The following PKIG variants were observed in gnomAD, a reference collection of about 807,000 sequenced individuals.
PKIG encodes cAMP-dependent protein kinase inhibitor gamma, also known as protein kinase (cAMP-dependent, catalytic) inhibitor gamma.
In PKIG, 1 loss-of-function variant was observed where a neutral mutation model predicts 6.8. That is an observed-to-expected ratio of 0.15 (90% CI 0.05 to 0.69). The LOEUF is 0.69. Among genes scored for constraint, PKIG ranks in the 30% least tolerant of loss-of-function variants. The pLI is 0.82. For synonymous variants in PKIG, 39 were observed against 43.0 expected (o/e 0.91, Z 0.36); for missense variants, 77 against 104.0 (o/e 0.74, Z 1.13).
intron 2 of PKIG, among the ~76,000 whole-genome samples, chr20:44,613,956 T>TC (rs1249717256): frequency 6.6e-6 from 1 of 152,118 alleles, no homozygotes; most frequent in Non-Finnish European, 1.5e-5. Flanking sequence ...CCCTCATGCC[T>TC]CCCTCCCTCA....
chr20:44,599,764 G>C (rs1315904201), intron 2 of PKIG, among the ~76,000 whole-genome samples: 1 of 152,100 alleles, frequency 6.6e-6, no homozygotes, highest in Non-Finnish European at 1.5e-5. Context: ...ATAACTGTTG[G>C]CTCCAATTAA....
intron 1 of PKIG, among the ~76,000 whole-genome samples, chr20:44,546,839 C>A (rs963756394): frequency 6.6e-6 from 1 of 152,100 alleles, no homozygotes; most frequent in Admixed American, 6.6e-5. Context: ...CAGATATGAG[C>A]CACTGCACCC....
At chr20:44,553,806 C>T (rs1253205162) in intron 1 of PKIG, among the ~76,000 whole-genome samples, 2 of 152,022 alleles carry the variant, frequency 1.3e-5, no homozygotes, top group African/African-American at 4.8e-5. Context: ...AGGAAGGCTC[C>T]TTGGAGGAAA....
upstream of PKIG, among the ~76,000 whole-genome samples, chr20:44,580,737 T>C (rs777895865): frequency 6.6e-6 from 1 of 152,156 alleles, no homozygotes; most frequent in Non-Finnish European, 1.5e-5. Context: ...CCTCCTAATA[T>C]AGCCTGTTTT....
intron 1 of PKIG, among the ~76,000 whole-genome samples, chr20:44,573,988 C>T (rs1401366887): frequency 6.6e-6 from 1 of 152,166 alleles, no homozygotes; most frequent in African/African-American, 2.4e-5. Context: ...TTTAAAAAGT[C>T]TCTGAGTCTA....
chr20:44,581,801 G>C (rs892556477), upstream of PKIG, among the ~76,000 whole-genome samples: 1 of 152,154 alleles, frequency 6.6e-6, no homozygotes, highest in Non-Finnish European at 1.5e-5. Flanking sequence ...ACTTCTCCAG[G>C]GTTCTTCCTT....
intron 1 of PKIG, among the ~76,000 whole-genome samples, chr20:44,545,873 T>A (rs935147784): frequency 1.3e-5 from 2 of 152,066 alleles, no homozygotes; most frequent in African/African-American, 4.8e-5. Context: ...ACAAGTATCA[T>A]TCCAGTAAAA....
chr20:44,577,603 A>G (rs2064910189), upstream of PKIG, among the ~76,000 whole-genome samples: 1 of 152,214 alleles, frequency 6.6e-6, no homozygotes, highest in South Asian at 2.1e-4. Flanking sequence ...ATCTACTTTT[A>G]TTCGTAAATC....
chr20:44,535,123 A>G (rs987204549), intron 1 of PKIG, among the ~76,000 whole-genome samples: 10 of 152,254 alleles, frequency 6.6e-5, no homozygotes, highest in Non-Finnish European at 1.0e-4. Context: ...CAATAGCAAC[A>G]TGAAAAATAA....
chr20:44,571,685 C>T (rs1600861734), intron 1 of PKIG, among the ~76,000 whole-genome samples: 1 of 152,230 alleles, frequency 6.6e-6, no homozygotes, highest in South Asian at 2.1e-4. Flanking sequence ...AAAAACAAGG[C>T]AGCTTTTAGG....
At chr20:44,599,520 G>A (rs1460756573) in intron 2 of PKIG, among the ~76,000 whole-genome samples, 3 of 152,018 alleles carry the variant, frequency 2.0e-5, no homozygotes, top group East Asian at 1.9e-4. Flanking sequence ...TCAAGAGATC[G>A]AGACCATCCT....
intron 1 of PKIG, among the ~76,000 whole-genome samples, chr20:44,560,606 T>C (rs2123240826): frequency 6.6e-6 from 1 of 152,342 alleles, no homozygotes; most frequent in East Asian, 1.9e-4. Flanking sequence ...TTGTTGTCCG[T>C]CAAGGATGGG....
At chr20:44,590,058 A>T (rs2065022106) in intron 2 of PKIG, among the ~76,000 whole-genome samples, 192 bp downstream of exon 2, 1 of 152,162 alleles carries the variant, frequency 6.6e-6, no homozygotes, top group Admixed American at 6.5e-5. Context: ...ACAATTTCAC[A>T]GTCAAGATTC....
At chr20:44,552,316 TTG>T (rs2123199880) in intron 1 of PKIG, among the ~76,000 whole-genome samples, 1 of 152,330 alleles carries the variant, frequency 6.6e-6, no homozygotes, top group South Asian at 2.1e-4. Context: ...TTACATTTGA[TTG>T]TGTGTTTCCC....
chr20:44,617,540 G>C (rs113524273), intron 3 of PKIG, among the ~76,000 whole-genome samples: 1 of 152,052 alleles, frequency 6.6e-6, no homozygotes, highest in Admixed American at 6.5e-5. Flanking sequence ...AAAGTGAGGA[G>C]ACTTGGCTTG....
chr20:44,588,504 C>T (rs928543393), intron 1 of PKIG, among the ~76,000 whole-genome samples: 2 of 152,112 alleles, frequency 1.3e-5, no homozygotes, highest in African/African-American at 2.4e-5. Context: ...ATTAGCCGGG[C>T]GCGGTGGCAC....
chr20:44,566,234 A>G (rs1298030598), intron 1 of PKIG, among the ~76,000 whole-genome samples: 1 of 152,130 alleles, frequency 6.6e-6, no homozygotes. Flanking sequence ...TTGTTTACAC[A>G]TTGTGTGTGG....
At chr20:44,534,495 G>T (rs182956976) in intron 1 of PKIG, among the ~76,000 whole-genome samples, 11 of 151,164 alleles carry the variant, frequency 7.3e-5, no homozygotes, top group African/African-American at 2.7e-4. Context: ...TTGGGACAGG[G>T]TATCACTCTG....
At chr20:44,543,263 CTGTTA>C (rs1288463441) in intron 1 of PKIG, among the ~76,000 whole-genome samples, 8 of 151,746 alleles carry the variant, frequency 5.3e-5, no homozygotes, top group African/African-American at 1.7e-4. Context: ...TAAATGTCAG[CTGTTA>C]TGTTTATTAC....
Sources: gnomAD v4.1 joint callset for allele counts (sites outside exome capture counted in the v4.1 genomes callset) on GRCh38, gnomAD v4.1.1 for gene constraint, MANE v1.5 for transcripts, NCBI Gene and HGNC (gene_info 2026-07-23, HGNC 2026-07-21) for gene names.